Variants in PRELID2 observed in about 807,000 individuals in gnomAD.
PRELID2 encodes the protein PRELI domain-containing protein 2.
In PRELID2, 25 loss-of-function variants were observed where a neutral mutation model predicts 28.4. The observed-to-expected ratio is 0.88, with a 90% CI of 0.64 to 1.23. The LOEUF (loss-of-function observed/expected upper bound fraction) is 1.23, where lower values mean the gene tolerates loss of function less well. Among genes scored for constraint, PRELID2 ranks in the 50% most tolerant of loss-of-function variants. The pLI, the probability that PRELID2 is intolerant of heterozygous loss-of-function variation, is 0.00. For missense variants in PRELID2, 201 were observed against 214.4 expected (o/e 0.94, Z 0.39); for synonymous variants, 76 against 71.6 (o/e 1.06, Z -0.31).
intron 1 of PRELID2, among the ~76,000 whole-genome samples, chr5:145,692,639 C>T (rs1755174276): frequency 6.6e-6 from 1 of 152,170 alleles, no homozygotes; most frequent in South Asian, 2.1e-4. Context: ...GTCAGGTCGA[C>T]AATTACAAAT....
At chr5:145,248,435 T>C in the PRELID2 span, among the ~76,000 whole-genome samples, 1 of 152,134 alleles carries the variant, frequency 6.6e-6, no homozygotes, top group East Asian at 1.9e-4. Context: ...TGAGTTGATG[T>C]CAGAAGAGAA....
intron 1 of PRELID2, 60 bp downstream of exon 1, chr5:145,835,117 G>C: frequency 1.7e-6 from 2 of 1,196,454 alleles, no homozygotes; most frequent in Non-Finnish European, 2.4e-6. Context: ...ATGAAGGAGA[G>C]GAGAGAGGGG....
At chr5:145,320,986 AATT>A in the PRELID2 span, among the ~76,000 whole-genome samples, 1 of 152,172 alleles carries the variant, frequency 6.6e-6, no homozygotes, top group Non-Finnish European at 1.5e-5. Context: ...CCATCTCTAA[AATT>A]ATTATTTACC....
chr5:145,593,222 A>G (rs1222727892), intron 1 of PRELID2, among the ~76,000 whole-genome samples: 1 of 152,204 alleles, frequency 6.6e-6, no homozygotes, highest in Non-Finnish European at 1.5e-5. Context: ...GCATAGAAAC[A>G]AGGAAGGACT....
At chr5:145,244,203 C>A in the PRELID2 span, among the ~76,000 whole-genome samples, 1 of 152,070 alleles carries the variant, frequency 6.6e-6, no homozygotes, top group Admixed American at 6.6e-5. Context: ...GATCCACCCA[C>A]CTTAGCCTCC....
At chr5:145,263,848 A>G in the PRELID2 span, among the ~76,000 whole-genome samples, 1 of 148,616 alleles carries the variant, frequency 6.7e-6, no homozygotes, top group Non-Finnish European at 1.5e-5. Context: ...GTAATTAAAA[A>G]GTTACCAAAA....
At chr5:145,435,503 G>A in the PRELID2 span, among the ~76,000 whole-genome samples, 1 of 152,302 alleles carries the variant, frequency 6.6e-6, no homozygotes, top group South Asian at 2.1e-4. Context: ...ACTTTCCACA[G>A]CTGGTATTTG....
At chr5:145,255,526 T>A in the PRELID2 span, among the ~76,000 whole-genome samples, 1 of 152,024 alleles carries the variant, frequency 6.6e-6, no homozygotes, top group East Asian at 1.9e-4. Context: ...GTAATCCCAA[T>A]GCTTTGGGAG....
intron 1 of PRELID2, among the ~76,000 whole-genome samples, chr5:145,653,927 A>T (rs1195595928): frequency 1.3e-5 from 2 of 152,192 alleles, no homozygotes; most frequent in Admixed American, 1.3e-4. Flanking sequence ...ATAGAGACAT[A>T]AAAAACCCTT....
intron 1 of PRELID2, among the ~76,000 whole-genome samples, chr5:145,682,935 T>C (rs1301009012): frequency 6.6e-6 from 1 of 152,126 alleles, no homozygotes; most frequent in Non-Finnish European, 1.5e-5. Flanking sequence ...TGTTACATCA[T>C]GGGACTAGCA....
At chr5:145,612,123 A>G (rs1753625828) in intron 1 of PRELID2, among the ~76,000 whole-genome samples, 1 of 152,252 alleles carries the variant, frequency 6.6e-6, no homozygotes, top group African/African-American at 2.4e-5. Context: ...ACTTCATACA[A>G]TATATAAAAA....
the PRELID2 span, among the ~76,000 whole-genome samples, chr5:145,275,556 G>A: frequency 0.23 from 35,528 of 152,002 alleles, 5,144 homozygotes; most frequent in Non-Finnish European, 0.31. Flanking sequence ...GCATGAAGCC[G>A]GTAGGACTAA....
chr5:145,743,180 G>A (rs1331479167), intron 1 of PRELID2, among the ~76,000 whole-genome samples: 2 of 151,776 alleles, frequency 1.3e-5, no homozygotes, highest in South Asian at 2.1e-4. Flanking sequence ...AAGCCGAGAC[G>A]GGCAGATCAC....
intron 4 of PRELID2, among the ~76,000 whole-genome samples, chr5:145,814,402 C>T (rs1201520749): frequency 7.2e-5 from 11 of 152,184 alleles, no homozygotes; most frequent in Non-Finnish European, 1.5e-4. Context: ...TAATCCCAAA[C>T]ATCTATGCCC....
chr5:145,423,216 G>A, the PRELID2 span, among the ~76,000 whole-genome samples: 3 of 151,016 alleles, frequency 2.0e-5, no homozygotes, highest in African/African-American at 4.9e-5. Flanking sequence ...TATGTGTCTT[G>A]GAGTTGCTCT....
At chr5:145,474,516 T>A (rs956182605) in intron 1 of PRELID2, among the ~76,000 whole-genome samples, 1 of 152,174 alleles carries the variant, frequency 6.6e-6, no homozygotes, top group Admixed American at 6.5e-5. Flanking sequence ...GAGTTCTGTG[T>A]TAGCACTCAT....
At chr5:145,593,027 A>C (rs1039920366) in intron 1 of PRELID2, among the ~76,000 whole-genome samples, 6 of 152,214 alleles carry the variant, frequency 3.9e-5, no homozygotes, top group African/African-American at 1.4e-4. Context: ...TAAGCAGAAA[A>C]GTAATTATGT....
chr5:145,544,337 T>A (rs764517103), intron 1 of PRELID2, among the ~76,000 whole-genome samples: 2 of 152,140 alleles, frequency 1.3e-5, no homozygotes, highest in Non-Finnish European at 2.9e-5. Flanking sequence ...ATGCTTTAAT[T>A]TCATACTCAT....
the PRELID2 span, among the ~76,000 whole-genome samples, chr5:145,294,268 A>T: frequency 6.6e-6 from 1 of 152,170 alleles, no homozygotes; most frequent in African/African-American, 2.4e-5. Context: ...AATGACTAAC[A>T]TCTATAGAAT....
Sources: allele counts gnomAD v4.1 joint callset (sites outside exome capture counted in the v4.1 genomes callset), GRCh38; gene constraint gnomAD v4.1.1; transcripts MANE v1.5; gene names NCBI Gene and HGNC (gene_info 2026-07-23, HGNC 2026-07-21).